PIGU: variants seen among roughly 807,000 people sequenced by gnomAD.
PIGU encodes phosphatidylinositol glycan anchor biosynthesis class U, also known as GPI-anchor transamidase component PIGU.
PIGU carries 24 observed loss-of-function variants against 49.9 expected under a neutral mutation model. The observed-to-expected ratio is 0.48, with a 90% CI of 0.35 to 0.68. The LOEUF (loss-of-function observed/expected upper bound fraction) is 0.68. Ranked by LOEUF, PIGU falls within the 30% of genes least tolerant of loss-of-function variation. PIGU has a pLI of 0.01. For missense variants in PIGU, 490 were observed against 532.6 expected (o/e 0.92, Z 0.79); for synonymous variants, 220 against 205.7 (o/e 1.07, Z -0.59).
intron 7 of PIGU, among the ~76,000 whole-genome samples, chr20:34,593,502 G>A (rs1011867075): frequency 2.0e-5 from 3 of 152,068 alleles, no homozygotes; most frequent in Admixed American, 1.3e-4. Context: ...TTAAAGCAGC[G>A]CAATATTGGC....
chr20:34,649,848 C>CTTT (rs1243838081), intron 2 of PIGU, among the ~76,000 whole-genome samples: 2 of 105,654 alleles, frequency 1.9e-5, no homozygotes, highest in East Asian at 3.0e-4. Context: ...CTATTACATT[C>CTTT]TTTTTTTTTT....
chr20:34,653,272 G>A (rs962499067), intron 2 of PIGU, among the ~76,000 whole-genome samples: 1 of 152,120 alleles, frequency 6.6e-6, no homozygotes, highest in African/African-American at 2.4e-5. Flanking sequence ...TCTGACCCAA[G>A]TTGGTTGTTA....
chr20:34,584,561 A>T (rs917186240), intron 9 of PIGU, among the ~76,000 whole-genome samples: 1 of 148,408 alleles, frequency 6.7e-6, no homozygotes, highest in Non-Finnish European at 1.5e-5. Flanking sequence ...ATCCAGGCAG[A>T]AGTGCAGTGG....
At chr20:34,597,049 T>C (rs1019070179) in intron 7 of PIGU, among the ~76,000 whole-genome samples, 6 of 152,140 alleles carry the variant, frequency 3.9e-5, no homozygotes, top group African/African-American at 1.4e-4. Flanking sequence ...GGGGGGGTTG[T>C]AAAATGGTGC....
In PIGU at chr20:34,645,351, G is replaced by C. The variant is rs1568656204; in HGVS notation, c.196-17C>G. ...TAATGGAGTCTGCAGAAAAAAAACA[G>C]ACATGTAAAAAAAATTAAGTTAAAC... is the stretch of plus-strand genomic sequence containing the variant. On this transcript the variant is annotated splice_polypyrimidine_tract_variant and intron_variant, in intron 2 of 11. Transcript: ENST00000217446. 6.4e-7 allele frequency: 1 copy of C among 1,555,576 alleles called. No homozygotes were observed. The highest frequency in any genetic ancestry group is 1.2e-5 in the South Asian group (1 of 81,024).
intron 7 of PIGU, among the ~76,000 whole-genome samples, chr20:34,592,997 T>TAAAAAATAAATAAAAAA (rs1984053354): frequency 6.6e-6 from 1 of 152,132 alleles, no homozygotes; most frequent in African/African-American, 2.4e-5. Flanking sequence ...TAAATTTTTC[T>TAAAAAATAAATAAAAAA]GAAATAATGA....
chr20:34,659,279 CCACCCCG>C (rs1986844180), intron 1 of PIGU, among the ~76,000 whole-genome samples: 1 of 108,742 alleles, frequency 9.2e-6, no homozygotes, highest in South Asian at 2.7e-4. Flanking sequence ...GCCCGGCCAG[CCACCCCG>C]TCCGGGAGGG....
At chr20:34,668,275 C>T (rs1343645101) in intron 1 of PIGU, among the ~76,000 whole-genome samples, 1 of 151,678 alleles carries the variant, frequency 6.6e-6, no homozygotes, top group Non-Finnish European at 1.5e-5. Flanking sequence ...CCAGCCTGGC[C>T]AGCATGGTGA....
At chr20:34,570,417 A>ATTTTTT (rs548835096) in intron 11 of PIGU, among the ~76,000 whole-genome samples, 71 of 135,894 alleles carry the variant, frequency 5.2e-4, no homozygotes, top group East Asian at 1.1e-3. Context: ...ACTGTTATTT[A>ATTTTTT]TTTTTATTTT....
intron 1 of PIGU, 73 bp downstream of exon 1, chr20:34,676,883 C>T: frequency 1.3e-6 from 2 of 1,543,682 alleles, no homozygotes; most frequent in East Asian, 4.9e-5. Context: ...CGGTCACTGC[C>T]CCCGCCTCCC....
chr20:34,645,903 A>G (rs2146772157), intron 2 of PIGU, among the ~76,000 whole-genome samples: 1 of 152,256 alleles, frequency 6.6e-6, no homozygotes, highest in East Asian at 1.9e-4. Flanking sequence ...TCTCAAAAAA[A>G]ATAAATAAAT....
At position 34,617,815 on chromosome 20, in the gene PIGU, G is replaced by A. The variant is rs565106322; in HGVS notation, c.530-1676C>T. On this transcript the variant is annotated intron_variant, in intron 6 of 11. Transcript: ENST00000217446. ...ATCTCAACTTGAATTGTATCTCCCA[G>A]AATTCCCATGTAATGTGGGAGGGAC... Among the ~76,000 whole-genome samples, 18 of 152,268 alleles carry A rather than the reference G, an allele frequency of 1.2e-4. No homozygotes were observed. The East Asian group carries it at 3.3e-3, about 28-fold the overall frequency.
At chr20:34,631,428 AC>A (rs1985704889) in intron 6 of PIGU, among the ~76,000 whole-genome samples, 1 of 151,952 alleles carries the variant, frequency 6.6e-6, no homozygotes, top group Admixed American at 6.6e-5. Context: ...AACTAAAGAC[AC>A]TAGTTTCCAT....
At chr20:34,631,759 ATATATATATATATATATATATATATATTT>A (rs1985755656) in intron 6 of PIGU, among the ~76,000 whole-genome samples, 1 of 5,716 alleles carries the variant, frequency 1.7e-4, no homozygotes, top group African/African-American at 4.9e-4. Context: ...ATATATATAT[ATATATATATATATATATATATATATATTT>A]TTTTTTTTTT....
At chr20:34,566,962 T>C (rs188825339) in intron 11 of PIGU, among the ~76,000 whole-genome samples, 16 of 152,308 alleles carry the variant, frequency 1.1e-4, no homozygotes, top group Admixed American at 2.6e-4. Flanking sequence ...ATACAGTGTG[T>C]CTTGAAACTA....
intron 1 of PIGU, among the ~76,000 whole-genome samples, chr20:34,668,018 C>T (rs1010860111): frequency 2.0e-5 from 3 of 152,038 alleles, no homozygotes; most frequent in Non-Finnish European, 2.9e-5. Flanking sequence ...CCATTACCTC[C>T]GTCAAACCAC....
At chr20:34,634,036 G>A (rs904850820) in intron 6 of PIGU, among the ~76,000 whole-genome samples, 1 of 152,146 alleles carries the variant, frequency 6.6e-6, no homozygotes, top group African/African-American at 2.4e-5. Flanking sequence ...GAAGAAAGAG[G>A]AAGGCTGCTA....
rs1986650500 is a variant in PIGU at position 34,654,542 on chromosome 20, G to C, written c.195+2638C>G. 2.6e-5 allele frequency among the ~76,000 whole-genome samples: 3 copies of C among 115,506 alleles called. 1 individual carries two copies. The highest frequency in any genetic ancestry group is 6.4e-5 in the African/African-American group (2 of 31,332). 75.8% of individuals were successfully genotyped at this position (115,506 alleles called of 152,430 possible). A position where few individuals can be genotyped will look rare whatever the true frequency, so the allele number is the denominator to read the frequency against. ...TAACCTGTTTCTGCCAGTAGTTCTTGTTATTGCAGTTTGATTAGATATTAA... is the reference window on the plus strand; with the variant it reads ...TAACCTGTTTCTGCCAGTAGTTCTTCTTATTGCAGTTTGATTAGATATTAA... On this transcript the variant is annotated intron_variant, in intron 2 of 11. Coordinates refer to ENST00000217446, the MANE Select transcript of PIGU (RefSeq NM_080476.5).
At chr20:34,566,129 T>G (rs904099951) in intron 11 of PIGU, among the ~76,000 whole-genome samples, 3 of 151,860 alleles carry the variant, frequency 2.0e-5, no homozygotes, top group Non-Finnish European at 4.4e-5. Context: ...TGCTCAGAAG[T>G]TCCCTGGCTC....
Sources: allele counts gnomAD v4.1 joint callset (sites outside exome capture counted in the v4.1 genomes callset), GRCh38; gene constraint gnomAD v4.1.1; transcripts MANE v1.5; gene names NCBI Gene and HGNC (gene_info 2026-07-23, HGNC 2026-07-21).